FSHR: variants seen among roughly 807,000 people sequenced by gnomAD.
FSHR encodes follicle stimulating hormone receptor, also known as follicle-stimulating hormone receptor.
Under a neutral mutation model 52.1 loss-of-function variants are expected in FSHR, and 46 were observed. The ratio of observed to expected loss-of-function variants is 0.88; its 90% confidence interval spans 0.70 to 1.13. The LOEUF (loss-of-function observed/expected upper bound fraction) is 1.13. Ranked by LOEUF, FSHR falls within the 50% of genes most tolerant of loss-of-function variation. The pLI is 0.00. For synonymous variants in FSHR, 399 were observed against 309.6 expected, an observed-to-expected ratio of 1.29 and a Z score of -3.03; for missense variants, 964 against 834.6, an observed-to-expected ratio of 1.16 and a Z score of -1.91.
At chr2:49,018,293 C>A (rs142410304) in intron 3 of FSHR, among the ~76,000 whole-genome samples, 29 of 152,278 alleles carry the variant, frequency 1.9e-4, no homozygotes, top group African/African-American at 6.5e-4. Context: ...TGGAAGTGAG[C>A]ATGTTCACAT....
intron 2 of FSHR, among the ~76,000 whole-genome samples, chr2:49,061,794 CTATA>C: frequency 7.3e-6 from 1 of 136,202 alleles, no homozygotes; most frequent in East Asian, 2.1e-4. Context: ...TCATATATAA[CTATA>C]TAGTTATATA....
intron 1 of FSHR, among the ~76,000 whole-genome samples, chr2:49,105,325 C>T (rs1320320091): frequency 2.0e-5 from 3 of 152,054 alleles, no homozygotes; most frequent in Non-Finnish European, 4.4e-5. Flanking sequence ...CACTGATAAA[C>T]TCCCCTCCTT....
chr2:48,984,723 A>T (rs1675410904), intron 6 of FSHR, among the ~76,000 whole-genome samples: 1 of 152,124 alleles, frequency 6.6e-6, no homozygotes, highest in South Asian at 2.1e-4. Flanking sequence ...GGTTATATGT[A>T]GTTGGCTGAC....
At chr2:49,040,157 C>A (rs1180449689) in intron 2 of FSHR, among the ~76,000 whole-genome samples, 1 of 152,122 alleles carries the variant, frequency 6.6e-6, no homozygotes, top group Admixed American at 6.5e-5. Flanking sequence ...ACTTGAAAAT[C>A]AAATTTGATG....
At chr2:49,094,010 T>G (rs149569159) in intron 1 of FSHR, among the ~76,000 whole-genome samples, 2 of 152,338 alleles carry the variant, frequency 1.3e-5, no homozygotes, top group East Asian at 3.9e-4. Context: ...TTAATATCTT[T>G]AGATTTAGGT....
intron 1 of FSHR, among the ~76,000 whole-genome samples, chr2:49,108,298 G>T (rs1671303823): frequency 6.6e-6 from 1 of 152,110 alleles, no homozygotes; most frequent in South Asian, 2.1e-4. Flanking sequence ...ATTGTAGATT[G>T]TGAGACTTCT....
chr2:48,988,966 C>T lies in FSHR; in HGVS notation c.524+11G>A. The T allele has an allele frequency of 6.2e-7, 1 of 1,609,764 alleles. No homozygotes were observed. Among genetic ancestry groups the T allele is most frequent in the Non-Finnish European group, 8.5e-7 (1 of 1,176,140 alleles). On this transcript the variant is annotated intron_variant, in intron 6 of 9. Transcript: ENST00000406846. ...AATGTTACTCTGTTGGATTTTTTCC[C>T]CCTTACTTACAGAATCACACTTTCA...
At chr2:49,082,862 C>T (rs1239914698) in intron 1 of FSHR, among the ~76,000 whole-genome samples, 11 of 152,056 alleles carry the variant, frequency 7.2e-5, no homozygotes, top group African/African-American at 2.4e-4. Context: ...ACCAAATCTA[C>T]GTCTGATTGG....
chr2:49,145,954 G>C (rs1172939158), intron 1 of FSHR, among the ~76,000 whole-genome samples: 1 of 152,016 alleles, frequency 6.6e-6, no homozygotes, highest in Non-Finnish European at 1.5e-5. Flanking sequence ...GGAAGCTGGG[G>C]AGTAGAAAAT....
chr2:48,973,781 G>A (rs774851177), intron 8 of FSHR, among the ~76,000 whole-genome samples: 1 of 152,188 alleles, frequency 6.6e-6, no homozygotes, highest in Non-Finnish European at 1.5e-5. Flanking sequence ...GATTAGGAAA[G>A]GAAATAGACA....
chr2:48,986,621 T>G (rs931919932), intron 6 of FSHR, among the ~76,000 whole-genome samples: 1 of 152,200 alleles, frequency 6.6e-6, no homozygotes, highest in Non-Finnish European at 1.5e-5. Context: ...ACATTCACTC[T>G]TAAAAGAAAA....
At chr2:49,075,443 CA>C (rs1553341520) in intron 1 of FSHR, among the ~76,000 whole-genome samples, 7 of 127,346 alleles carry the variant, frequency 5.5e-5, no homozygotes, top group African/African-American at 1.9e-4. Context: ...TAACAATAAA[CA>C]AGATCAACAA....
intron 1 of FSHR, among the ~76,000 whole-genome samples, chr2:49,150,053 C>T (rs2103859347): frequency 6.6e-6 from 1 of 152,196 alleles, no homozygotes; most frequent in African/African-American, 2.4e-5. Flanking sequence ...TGGGTGTTTG[C>T]ATTCTCCTTA....
At chr2:49,068,844 A>G (rs1325153733) in intron 1 of FSHR, among the ~76,000 whole-genome samples, 1 of 152,012 alleles carries the variant, frequency 6.6e-6, no homozygotes, top group Non-Finnish European at 1.5e-5. Context: ...TAGCTTCTCC[A>G]ATATACACTA....
chr2:49,028,012 G>A (rs1667969382), intron 2 of FSHR, among the ~76,000 whole-genome samples: 1 of 152,134 alleles, frequency 6.6e-6, no homozygotes, highest in African/African-American at 2.4e-5. Flanking sequence ...AGGTAGTAAG[G>A]GAGTGGATAT....
rs569629476 is a variant in FSHR, at chr2:49,022,232, T to C, written c.225-2072A>G. 2.4e-4 allele frequency among the ~76,000 whole-genome samples: 36 copies of C among 152,178 alleles called. No homozygotes were observed. In the South Asian group the frequency reaches 6.7e-3, roughly 28 times the overall value. On this transcript the variant is annotated intron_variant, in intron 2 of 9. Coordinates refer to ENST00000406846, the MANE Select transcript of FSHR (RefSeq NM_000145.4). ...ATATGTCCTTGCCGAAGTTCACATA[T>C]TGAGAATTCCCTTAACTGGATTTGT...
intron 1 of FSHR, among the ~76,000 whole-genome samples, chr2:49,131,024 T>C (rs766143347): frequency 2.6e-5 from 4 of 152,128 alleles, no homozygotes; most frequent in Non-Finnish European, 5.9e-5. Flanking sequence ...ACCATAATGA[T>C]TATTGGAAGG....
chr2:49,047,578 T>TTCCA (rs1379662398), intron 2 of FSHR, among the ~76,000 whole-genome samples: 1 of 152,222 alleles, frequency 6.6e-6, no homozygotes, highest in African/African-American at 2.4e-5. Flanking sequence ...TAAGCATATG[T>TTCCA]TCCACCCTGA....
chr2:49,072,218 C>T (rs193120446), intron 1 of FSHR, among the ~76,000 whole-genome samples: 164 of 151,830 alleles, frequency 1.1e-3, no homozygotes, highest in African/African-American at 3.9e-3. Context: ...AAACCAAAAG[C>T]AAAGCAAACC....
Sources: allele counts gnomAD v4.1 joint callset (sites outside exome capture counted in the v4.1 genomes callset), GRCh38; gene constraint gnomAD v4.1.1; transcripts MANE v1.5; gene names NCBI Gene and HGNC (gene_info 2026-07-23, HGNC 2026-07-21).